The following SAYSD1 variants were observed in gnomAD, a reference collection of about 807,000 sequenced individuals.
The protein encoded by SAYSD1 is SAYSvFN domain-containing protein 1.
A neutral mutation model predicts 14.5 loss-of-function variants in SAYSD1; 15 were observed. That is an observed-to-expected ratio of 1.03 (90% CI 0.69 to 1.59). The LOEUF is 1.59. Among genes scored for constraint, SAYSD1 ranks in the 40% most tolerant of loss-of-function variants. The pLI is 0.00. For synonymous variants in SAYSD1, 105 were observed against 102.6 expected (o/e 1.02, Z -0.14); for missense variants, 247 against 227.3 (o/e 1.09, Z -0.56).
rs1192638229 is a variant in SAYSD1 at position 39,104,395 on chromosome 6, T to C, written c.*1037A>G. 2.0e-5 allele frequency: 3 copies of C among 152,070 alleles called. No individual in the cohort carries two copies. Among genetic ancestry groups the C allele is most frequent in the Admixed American group, 1.3e-4 (2 of 15,274 alleles). 9.4% of individuals were successfully genotyped at this position (152,070 alleles called of 1,614,324 possible). On this transcript the variant is annotated 3_prime_UTR_variant, in exon 2 of 2. Transcript: ENST00000229903. ...TAACATTGTACTGGAAAAGCAGCAT[T>C]AAAATCCAGCCTGATTATCACAATT...
intron 1 of SAYSD1, among the ~76,000 whole-genome samples, chr6:39,106,841 C>T (rs1351974462): frequency 6.6e-6 from 1 of 152,210 alleles, no homozygotes; most frequent in East Asian, 1.9e-4. Flanking sequence ...AGTAGACAGG[C>T]CCCTGTGCCA....
intron 1 of SAYSD1, chr6:39,109,304 TAA>T: frequency 1.3e-6 from 2 of 1,550,694 alleles, no homozygotes; most frequent in East Asian, 2.4e-5. Flanking sequence ...TAGGAATTTT[TAA>T]AAGTTACCAG....
rs1769453824 is a variant in SAYSD1, at chr6:39,104,448, G to A, written c.*984C>T. ...CAGAATTTCTCACCAGAGGCCCACA[G>A]GTGAAAAAGCTGCTTACTCTAAAGC... On this transcript the variant is annotated 3_prime_UTR_variant, in exon 2 of 2. Coordinates refer to ENST00000229903, the MANE Select transcript of SAYSD1 (RefSeq NM_018322.3). The A allele has an allele frequency of 6.6e-6, 1 of 152,038 alleles. No homozygotes were observed. The highest frequency in any genetic ancestry group is 1.5e-5 in the Non-Finnish European group (1 of 68,042). The allele number at this position is 152,038 out of a possible 1,614,324, so 9.4% of individuals were successfully genotyped here.
chr6:39,111,463 A>G (rs1769624708), intron 1 of SAYSD1: 1 of 152,306 alleles, frequency 6.6e-6, no homozygotes, highest in South Asian at 2.1e-4. Context: ...TAATTCAACA[A>G]AGAAAGAGTG....
In SAYSD1 at chr6:39,105,746, C is replaced by G; in HGVS notation, c.238G>C (p.Glu80Gln). 1.2e-6 allele frequency: 2 copies of G among 1,614,116 alleles called. No homozygotes were observed. Among genetic ancestry groups the G allele is most frequent in the Non-Finnish European group, 1.7e-6 (2 of 1,179,960 alleles). The change falls in exon 2 of 2, where the codon GAG (glutamate) becomes CAG (glutamine). Residue 80 changes from glutamate (E) to glutamine (Q), a missense_variant. Physicochemically the swap from Glu to Gln is conservative, Grantham distance 29. Transcript: ENST00000229903. ...EAAQPQGSTS[E>Q]TPWNTAIPLP... ...GGAATGGCTGTGTTCCATGGTGTCTCTGATGTGCTGCCCTGGGGCTGAGCC... is the reference window on the plus strand; with the variant it reads ...GGAATGGCTGTGTTCCATGGTGTCTGTGATGTGCTGCCCTGGGGCTGAGCC...
In SAYSD1 at chr6:39,104,744, T is replaced by C. The variant is rs1375293669; in HGVS notation, c.*688A>G. 6.6e-6 allele frequency: 1 copy of C among 152,362 alleles called. No homozygotes were observed. The highest frequency in any genetic ancestry group is 2.4e-5 in the African/African-American group (1 of 41,310). 9.4% of individuals were successfully genotyped at this position (152,362 alleles called of 1,614,324 possible). A position where few individuals can be genotyped will look rare whatever the true frequency, so the allele number is the denominator to read the frequency against. ...ACACACTCAACACTTCTTGCTGAAC[T>C]GGCCGTTAATAACCACTTGTGAAAT... On this transcript the variant is annotated 3_prime_UTR_variant, in exon 2 of 2. Coordinates refer to ENST00000229903, the MANE Select transcript of SAYSD1 (RefSeq NM_018322.3).
At position 39,105,136 on chromosome 6, in the gene SAYSD1, A is replaced by G; in HGVS notation, c.*296T>C. ...CTGAGAATCTCCCCAGTGCCTTTCT[A>G]GTGCTCTAAAATCATCTCCCAAACA... On this transcript the variant is annotated 3_prime_UTR_variant, in exon 2 of 2. Coordinates refer to ENST00000229903, the MANE Select transcript of SAYSD1 (RefSeq NM_018322.3). 2.8e-6 allele frequency: 1 copy of G among 358,702 alleles called. No individual in the cohort carries two copies. Among genetic ancestry groups the G allele is most frequent in the Admixed American group, 4.4e-5 (1 of 22,692 alleles). 22.2% of individuals were successfully genotyped at this position (358,702 alleles called of 1,614,324 possible). A position where few individuals can be genotyped will look rare whatever the true frequency, so the allele number is the denominator to read the frequency against.
chr6:39,109,363 G>C (rs1769581759), intron 1 of SAYSD1: 2 of 1,550,820 alleles, frequency 1.3e-6, no homozygotes, highest in Non-Finnish European at 8.7e-7. Flanking sequence ...ATTATTTCAG[G>C]AAACTGCTTT....
At chr6:39,113,755 T>C (rs1469884156) in intron 1 of SAYSD1, 2 of 152,242 alleles carry the variant, frequency 1.3e-5, no homozygotes, top group African/African-American at 2.4e-5. Flanking sequence ...AAATGGTTTC[T>C]AAAATCTTAA....
intron 1 of SAYSD1, chr6:39,111,522 C>G (rs1327427565): frequency 6.6e-6 from 1 of 152,122 alleles, no homozygotes; most frequent in African/African-American, 2.4e-5. Context: ...AAAGAGTATG[C>G]TAGGCCTGCA....
intron 1 of SAYSD1, among the ~76,000 whole-genome samples, chr6:39,114,634 G>A (rs1415152115): frequency 6.6e-6 from 1 of 152,222 alleles, no homozygotes; most frequent in Non-Finnish European, 1.5e-5. Context: ...GAGCAGAGGT[G>A]CTTTCTCCCA....
chr6:39,112,344 A>C (rs1251069727), intron 1 of SAYSD1: 1 of 154,598 alleles, frequency 6.5e-6, no homozygotes, highest in East Asian at 1.9e-4. Context: ...AAGGAAAATC[A>C]AAACAAGGAA....
intron 1 of SAYSD1, among the ~76,000 whole-genome samples, chr6:39,106,881 C>T (rs533702360): frequency 3.1e-4 from 47 of 152,312 alleles, no homozygotes; most frequent in African/African-American, 1.1e-3. Context: ...GGTATTTAGA[C>T]AGCTCTGTGT....
At position 39,114,870 on chromosome 6, in the gene SAYSD1, T is replaced by C. The variant is rs1276068782; in HGVS notation, c.207+13A>G. The C allele has an allele frequency of 6.2e-7, 1 of 1,608,980 alleles. No homozygotes were observed. Among genetic ancestry groups the C allele is most frequent in the South Asian group, 1.1e-5 (1 of 90,982 alleles). ...GAGGCCAGGTCCTAGGGCCGAAGTTTCCATCGTCTCACCTGAACTAGGCCG... is the reference window on the plus strand; with the variant it reads ...GAGGCCAGGTCCTAGGGCCGAAGTTCCCATCGTCTCACCTGAACTAGGCCG... On this transcript the variant is annotated intron_variant, in intron 1 of 1. Transcript: ENST00000229903.
Position 39,115,179 on chromosome 6 carries a change from G to A in SAYSD1, c.-90C>T. ...CTCCGCTCGGCCCGCGCCGGCCGCCGTGCGCCTGCGTGGCAGAAGCCCCTG... is the reference window on the plus strand; with the variant it reads ...CTCCGCTCGGCCCGCGCCGGCCGCCATGCGCCTGCGTGGCAGAAGCCCCTG... On this transcript the variant is annotated 5_prime_UTR_variant, in exon 1 of 2. In the 5' UTR this introduces an upstream ATG that the reference lacks. Coordinates refer to ENST00000229903, the MANE Select transcript of SAYSD1 (RefSeq NM_018322.3). 2.4e-6 allele frequency: 3 copies of A among 1,241,616 alleles called. No individual in the cohort carries two copies. The highest frequency in any genetic ancestry group is 3.2e-6 in the Non-Finnish European group (3 of 924,032). 76.9% of individuals were successfully genotyped at this position (1,241,616 alleles called of 1,614,324 possible).
chr6:39,113,051 T>G (rs1010019776), intron 1 of SAYSD1: 1 of 152,378 alleles, frequency 6.6e-6, no homozygotes, highest in African/African-American at 2.4e-5. Context: ...TCCATTTACA[T>G]GAAACATCCG....
chr6:39,114,845 G>C, intron 1 of SAYSD1, 38 bp downstream of exon 1: 4 of 1,591,052 alleles, frequency 2.5e-6, no homozygotes, highest in Middle Eastern at 2.3e-4. Context: ...CTGTGGCTCC[G>C]AGGCCAGGTC....
chr6:39,115,025 G>A lies in SAYSD1; in HGVS notation c.65C>T (p.Pro22Leu), dbSNP rs1240045836. 6.2e-7 allele frequency: 1 copy of A among 1,613,066 alleles called. No homozygotes were observed. The highest frequency in any genetic ancestry group is 1.7e-5 in the Admixed American group (1 of 60,026). ...GGTTTGTGCGCCCTGACTGGCAGCA[G>A]GGGGTTGGGCCGCCAGACCCGCCCG... ...RKRAGLAAQP[P>L]AASQGAQTPG... The change falls in exon 1 of 2, where the codon CCT (proline) becomes CTT (leucine). Residue 22 changes from proline (P) to leucine (L), a missense_variant. By Grantham distance (98) the Pro-to-Leu change is moderately conservative. Coordinates refer to ENST00000229903, the MANE Select transcript of SAYSD1 (RefSeq NM_018322.3).
chr6:39,105,285 A>C lies in SAYSD1; in HGVS notation c.*147T>G. 1 of 654,588 alleles carries C rather than the reference A, an allele frequency of 1.5e-6. No individual in the cohort carries two copies. Among genetic ancestry groups the C allele is most frequent in the Non-Finnish European group, 2.6e-6 (1 of 382,702 alleles). 40.5% of individuals were successfully genotyped at this position (654,588 alleles called of 1,614,324 possible). A position where few individuals can be genotyped will look rare whatever the true frequency, so the allele number is the denominator to read the frequency against. ...ACTATCAAAGATCAAATGGCAGCAA[A>C]AGATCAGGGAAAGAAGGTAGAAAAA... On this transcript the variant is annotated 3_prime_UTR_variant, in exon 2 of 2. Transcript: ENST00000229903.
Sources: allele counts gnomAD v4.1 joint callset (sites outside exome capture counted in the v4.1 genomes callset), GRCh38; gene constraint gnomAD v4.1.1; transcripts MANE v1.5; gene names NCBI Gene and HGNC (gene_info 2026-07-23, HGNC 2026-07-21).